CCDC141: variants seen among roughly 807,000 people sequenced by gnomAD.
CCDC141 encodes the protein coiled-coil domain-containing protein 141.
A neutral mutation model predicts 181.0 loss-of-function variants in CCDC141; 168 were observed. That is an observed-to-expected ratio of 0.93 (90% CI 0.82 to 1.05). The LOEUF is 1.05. Among genes scored for constraint, CCDC141 ranks in the 50% least tolerant of loss-of-function variants. The pLI, the probability that CCDC141 is intolerant of heterozygous loss-of-function variation, is 0.00. For synonymous variants in CCDC141, 666 were observed against 642.3 expected (o/e 1.04, Z -0.56); for missense variants, 1,902 against 1,788.5 (o/e 1.06, Z -1.14).
intron 5 of CCDC141, among the ~76,000 whole-genome samples, chr2:178,951,709 G>A (rs1022422628): frequency 6.6e-6 from 1 of 152,186 alleles, no homozygotes; most frequent in Non-Finnish European, 1.5e-5. Flanking sequence ...AACACCAGGG[G>A]TACGGAAGGA....
intron 2 of CCDC141, among the ~76,000 whole-genome samples, chr2:179,014,538 T>C (rs962356901): frequency 2.6e-5 from 4 of 151,924 alleles, no homozygotes; most frequent in Admixed American, 2.0e-4. Flanking sequence ...AAAGGACTAA[T>C]ATCCAGAATC....
rs1039399047 is a variant in CCDC141 at position 178,992,740 on chromosome 2, CTTGAA to C, written c.226-14070_226-14066del. Among the ~76,000 whole-genome samples, 14 of 152,236 alleles carry C rather than the reference CTTGAA, an allele frequency of 9.2e-5. No homozygotes were observed. The East Asian group carries it at 1.7e-3, about 19-fold the overall frequency. On this transcript the variant is annotated intron_variant, in intron 2 of 23. Transcript: ENST00000443758. ...GGCTGTGCCCTCACCCAAATCTCAT[CTTGAA>C]TTGTAGTTCCCATAATTCCCACATG... is the stretch of plus-strand genomic sequence containing the variant.
intron 2 of CCDC141, among the ~76,000 whole-genome samples, chr2:178,997,822 AT>A (rs1445555462): frequency 6.6e-6 from 1 of 152,184 alleles, no homozygotes; most frequent in Non-Finnish European, 1.5e-5. Context: ...ATACTATGGA[AT>A]TTAAATCAGG....
Position 178,989,617 on chromosome 2 carries a change from T to A in CCDC141, c.226-10942A>T, listed in dbSNP as rs1377943547. Among the ~76,000 whole-genome samples the A allele has an allele frequency of 4.3e-4, 62 of 144,728 alleles. 1 individual carries two copies. The East Asian group carries it at 9.9e-3, about 23-fold the overall frequency. The allele number at this position is 144,728 out of a possible 152,430, so 94.9% of individuals were successfully genotyped here. On this transcript the variant is annotated intron_variant, in intron 2 of 23. Transcript: ENST00000443758. ...TCAAAAAAAAAAAAAAATAAATAAA[T>A]AAATAAATAAATAAATAAATAAATA...
chr2:178,867,903 C>T (rs564590558), intron 16 of CCDC141, 123 bp downstream of exon 16: 3 of 731,218 alleles, frequency 4.1e-6, no homozygotes, highest in South Asian at 3.6e-5. Flanking sequence ...CAAATAACTA[C>T]CCCAATGGTT....
At chr2:178,893,837 A>G (rs370553084) in intron 8 of CCDC141, among the ~76,000 whole-genome samples, 3 of 151,904 alleles carry the variant, frequency 2.0e-5, no homozygotes, top group African/African-American at 7.3e-5. Flanking sequence ...ACACACACAC[A>G]CACACACACA....
chr2:178,879,814 AG>A (rs2154369939), intron 11 of CCDC141, among the ~76,000 whole-genome samples: 1 of 152,308 alleles, frequency 6.6e-6, no homozygotes, highest in South Asian at 2.1e-4. Context: ...CCCAGATGGG[AG>A]GGATAACTTG....
At chr2:178,834,617 C>T (rs1224982455) in intron 23 of CCDC141, among the ~76,000 whole-genome samples, 177 bp from the exon 24 acceptor site, 1 of 151,926 alleles carries the variant, frequency 6.6e-6, no homozygotes, top group East Asian at 1.9e-4. Context: ...CTTTAGTAGG[C>T]TAGATTGCAG....
rs1872203 is a variant in CCDC141 at position 178,855,239 on chromosome 2, A to T, written c.3060+108T>A. ...AAAAAAAATCATGAAAAGGAGCATGATACATGAATATAATGAGAATAACAG... is the reference window on the plus strand; with the variant it reads ...AAAAAAAATCATGAAAAGGAGCATGTTACATGAATATAATGAGAATAACAG... On this transcript the variant is annotated intron_variant, in intron 19 of 23. Coordinates refer to ENST00000443758, the MANE Select transcript of CCDC141 (RefSeq NM_173648.4). 0.34 allele frequency: 288,167 copies of T among 851,024 alleles called. 50,267 individuals are homozygous for T. The highest frequency in any genetic ancestry group is 0.47 in the African/African-American group (26,285 of 56,056). 52.7% of individuals were successfully genotyped at this position (851,024 alleles called of 1,614,324 possible).
chr2:179,047,826 TG>T (rs1306471779), intron 1 of CCDC141, among the ~76,000 whole-genome samples: 5 of 152,210 alleles, frequency 3.3e-5, no homozygotes, highest in Admixed American at 2.6e-4. Flanking sequence ...AATTTCACCA[TG>T]GGGAAAGTTC....
At chr2:179,028,410 A>G (rs1038161607) in intron 2 of CCDC141, among the ~76,000 whole-genome samples, 1 of 152,220 alleles carries the variant, frequency 6.6e-6, no homozygotes, top group Non-Finnish European at 1.5e-5. Flanking sequence ...CAGTGGAACA[A>G]CAGTTTACCC....
At chr2:178,897,197 AT>A in intron 8 of CCDC141, among the ~76,000 whole-genome samples, 1 of 152,206 alleles carries the variant, frequency 6.6e-6, no homozygotes, top group East Asian at 1.9e-4. Context: ...TATGTATTTG[AT>A]TTATCTGTTG....
At chr2:178,901,184 G>A (rs1229624968) in intron 8 of CCDC141, among the ~76,000 whole-genome samples, 1 of 152,096 alleles carries the variant, frequency 6.6e-6, no homozygotes, top group Non-Finnish European at 1.5e-5. Context: ...GGTACAAGGA[G>A]GAGCTGGTAC....
intron 2 of CCDC141, among the ~76,000 whole-genome samples, chr2:179,040,274 CCACA>C (rs1310169579): frequency 1.3e-4 from 20 of 152,282 alleles, no homozygotes; most frequent in African/African-American, 4.8e-4. Context: ...AATGGCTAGT[CCACA>C]CATAGCCTGA....
At chr2:178,819,525 A>G in the CCDC141 span, among the ~76,000 whole-genome samples, 1 of 152,362 alleles carries the variant, frequency 6.6e-6, no homozygotes, top group East Asian at 1.9e-4. Context: ...TTGTACTGAC[A>G]AAACACCAGT....
chr2:179,002,999 C>G (rs11679021), intron 2 of CCDC141, among the ~76,000 whole-genome samples: 70,475 of 152,010 alleles, frequency 0.46, 18,597 homozygotes, highest in East Asian at 0.64. Flanking sequence ...AGCAATTACT[C>G]ATTTAACTTG....
In CCDC141 at chr2:178,922,939, A is replaced by C. The variant is rs180778794; in HGVS notation, c.898-4032T>G. Among the ~76,000 whole-genome samples, 204 of 152,312 alleles carry C rather than the reference A, an allele frequency of 1.3e-3. 1 individual carries two copies. Among genetic ancestry groups the C allele is most frequent in the African/African-American group, 4.7e-3 (197 of 41,554 alleles). On this transcript the variant is annotated intron_variant, in intron 6 of 23. Coordinates refer to ENST00000443758, the MANE Select transcript of CCDC141 (RefSeq NM_173648.4). ...ACATGAACTCTGTGGGTATTAAATG[A>C]AGCTGGGTCCATTCAGTATTTCTGT...
chr2:178,853,929 A>G (rs1194157279), intron 19 of CCDC141, among the ~76,000 whole-genome samples: 1 of 152,222 alleles, frequency 6.6e-6, no homozygotes, highest in Non-Finnish European at 1.5e-5. Context: ...TCCTAAGAGG[A>G]ATGTTGCAGA....
chr2:178,879,934 G>C (rs199822688), intron 11 of CCDC141, among the ~76,000 whole-genome samples: 1 of 99,476 alleles, frequency 1.0e-5, no homozygotes, highest in Non-Finnish European at 1.9e-5. Flanking sequence ...GTAATAGACA[G>C]AGGGATATTC....
Sources: gnomAD v4.1 joint callset for allele counts (sites outside exome capture counted in the v4.1 genomes callset) on GRCh38, gnomAD v4.1.1 for gene constraint, MANE v1.5 for transcripts, NCBI Gene and HGNC (gene_info 2026-07-23, HGNC 2026-07-21) for gene names.